FAM168A: variants seen among roughly 807,000 people sequenced by gnomAD.
FAM168A encodes the protein protein FAM168A.
FAM168A carries 3 observed loss-of-function variants against 28.5 expected under a neutral mutation model. The observed-to-expected ratio is 0.11, with a 90% CI of 0.05 to 0.27. The LOEUF is 0.27. FAM168A is among the 10% of genes least tolerant of loss of function. The pLI, the probability that FAM168A is intolerant of heterozygous loss-of-function variation, is 1.00. For missense variants in FAM168A, 222 were observed against 311.5 expected, an observed-to-expected ratio of 0.71 and a Z score of 2.16; for synonymous variants, 122 against 124.2, an observed-to-expected ratio of 0.98 and a Z score of 0.12.
At chr11:73,591,906 A>G (rs988494813) in intron 1 of FAM168A, among the ~76,000 whole-genome samples, 6 of 152,242 alleles carry the variant, frequency 3.9e-5, no homozygotes, top group African/African-American at 7.2e-5. Context: ...TTATATTTGC[A>G]TAAGTATAAA....
rs146961540 is a variant in FAM168A, at chr11:73,495,094, G to C, written c.-18-26602C>G. Among the ~76,000 whole-genome samples the C allele has an allele frequency of 1.9e-3, 291 of 151,138 alleles. 4 individuals are homozygous for C. Among genetic ancestry groups the C allele is most frequent in the African/African-American group, 6.5e-3 (266 of 40,960 alleles). ...CTCAGTAAAGACTCCCCAGGGAATT[G>C]CCTGTCTAATTTGAGGCTTAATGGT... On this transcript the variant is annotated intron_variant, in intron 1 of 7. Coordinates refer to ENST00000356467, the MANE Select transcript of FAM168A (RefSeq NM_015159.3).
intron 1 of FAM168A, among the ~76,000 whole-genome samples, chr11:73,496,752 G>A (rs990618120): frequency 6.6e-6 from 1 of 152,006 alleles, no homozygotes; most frequent in East Asian, 1.9e-4. Context: ...AGTAGAGACG[G>A]GGTTTCACCG....
intron 1 of FAM168A, among the ~76,000 whole-genome samples, chr11:73,578,809 C>T (rs572859451): frequency 6.6e-6 from 1 of 152,328 alleles, no homozygotes; most frequent in South Asian, 2.1e-4. Flanking sequence ...TGAATCCCAT[C>T]CTTGCCTCTT....
At chr11:73,563,681 C>T (rs950053373) in intron 1 of FAM168A, among the ~76,000 whole-genome samples, 3 of 152,202 alleles carry the variant, frequency 2.0e-5, no homozygotes, top group African/African-American at 7.2e-5. Context: ...TAACTCACAA[C>T]AACCCTTTGA....
chr11:73,580,810 T>C (rs1388149806), intron 1 of FAM168A, among the ~76,000 whole-genome samples: 2 of 152,210 alleles, frequency 1.3e-5, no homozygotes, highest in African/African-American at 4.8e-5. Flanking sequence ...CATGGCCACC[T>C]TGGCACAAAA....
At chr11:73,445,947 T>C (rs1867304621) in intron 2 of FAM168A, among the ~76,000 whole-genome samples, 2 of 152,218 alleles carry the variant, frequency 1.3e-5, no homozygotes, top group South Asian at 4.1e-4. Context: ...AATTTGCTCA[T>C]GGTTATGTAA....
chr11:73,488,244 T>G (rs1242687984), intron 1 of FAM168A, among the ~76,000 whole-genome samples: 1 of 151,756 alleles, frequency 6.6e-6, no homozygotes, highest in Non-Finnish European at 1.5e-5. Context: ...AATTCTCCTG[T>G]CTCAGCCTCC....
intron 1 of FAM168A, among the ~76,000 whole-genome samples, chr11:73,484,507 G>GAGAGAGAGAT (rs1243168733): frequency 1.3e-5 from 1 of 77,774 alleles, no homozygotes; most frequent in African/African-American, 5.7e-5. Context: ...AGGAGAGAGA[G>GAGAGAGAGAT]ATATATATAG....
Position 73,400,664 on chromosome 11 carries a change from A to G in FAM168A, c.*6099T>C, listed in dbSNP as rs1866388382. On this transcript the variant is annotated 3_prime_UTR_variant, in exon 8 of 8. Transcript: ENST00000356467. The stretch of plus-strand genomic sequence containing the variant: ...TGTCAGATCAGCTGTAAGATGTACC[A>G]TAGGTTTTTCTTGACTACTGAGAAC... 1 of 152,208 alleles carries G rather than the reference A, an allele frequency of 6.6e-6. No individual in the cohort carries two copies. Among genetic ancestry groups the G allele is most frequent in the Non-Finnish European group, 1.5e-5 (1 of 68,046 alleles). The allele number at this position is 152,208 out of a possible 1,614,324, so 9.4% of individuals were successfully genotyped here.
intron 3 of FAM168A, among the ~76,000 whole-genome samples, chr11:73,427,227 G>A (rs1306749088): frequency 1.3e-5 from 2 of 151,830 alleles, no homozygotes; most frequent in Non-Finnish European, 2.9e-5. Flanking sequence ...TCCTGACCTC[G>A]TGATCCACCC....
chr11:73,507,684 A>G (rs1187781833), intron 1 of FAM168A, among the ~76,000 whole-genome samples: 1 of 152,240 alleles, frequency 6.6e-6, no homozygotes, highest in Non-Finnish European at 1.5e-5. Flanking sequence ...TATTATTGGT[A>G]GTTTACTCAT....
intron 1 of FAM168A, chr11:73,580,123 G>A: frequency 2.9e-6 from 1 of 349,218 alleles, no homozygotes; most frequent in Non-Finnish European, 5.6e-6. Flanking sequence ...AAATATAATT[G>A]TCAATGAATA....
chr11:73,468,594 C>T lies in FAM168A; in HGVS notation c.-18-102G>A, dbSNP rs556531314. 4.0e-5 allele frequency: 40 copies of T among 990,270 alleles called. No individual in the cohort carries two copies. The African/African-American group carries it at 5.5e-4, about 14-fold the overall frequency. 61.3% of individuals were successfully genotyped at this position (990,270 alleles called of 1,614,324 possible). ...TCAGTTTTCCCTGAAAGGAAAGCAT[C>T]AGGGTGTAGTGGAAAGAAGACTAAA... On this transcript the variant is annotated intron_variant, in intron 1 of 7. Coordinates refer to ENST00000356467, the MANE Select transcript of FAM168A (RefSeq NM_015159.3).
Position 73,424,643 on chromosome 11 carries a change from T to G in FAM168A, c.152-4644A>C, listed in dbSNP as rs370285588. Reference sequence around the variant, plus strand: ...AAAATCTGATCCTGGGGCAGACTAGTTTTTTGGGTTCTAATAGGCATAATC... The same window carrying G: ...AAAATCTGATCCTGGGGCAGACTAGGTTTTTGGGTTCTAATAGGCATAATC... On this transcript the variant is annotated intron_variant, in intron 3 of 7. Coordinates refer to ENST00000356467, the MANE Select transcript of FAM168A (RefSeq NM_015159.3). Among the ~76,000 whole-genome samples, 197 of 152,220 alleles carry G rather than the reference T, an allele frequency of 1.3e-3. 2 individuals carry two copies. The South Asian group carries it at 0.024, about 19-fold the overall frequency.
chr11:73,546,281 C>T (rs1943751150), intron 1 of FAM168A, among the ~76,000 whole-genome samples: 1 of 152,156 alleles, frequency 6.6e-6, no homozygotes, highest in African/African-American at 2.4e-5. Flanking sequence ...CCCAAGTTCA[C>T]CTATGTGGGG....
intron 1 of FAM168A, among the ~76,000 whole-genome samples, chr11:73,539,046 A>C (rs1218031818): frequency 1.3e-5 from 2 of 152,234 alleles, no homozygotes; most frequent in Non-Finnish European, 2.9e-5. Flanking sequence ...ATGTTAAGTA[A>C]AGAACCTAAG....
intron 2 of FAM168A, among the ~76,000 whole-genome samples, chr11:73,444,127 C>A (rs999763572): frequency 6.6e-6 from 1 of 152,184 alleles, no homozygotes; most frequent in Non-Finnish European, 1.5e-5. Flanking sequence ...AGTCCCTTTA[C>A]CTAATCCTCA....
intron 1 of FAM168A, among the ~76,000 whole-genome samples, chr11:73,471,110 C>T (rs939274451): frequency 7.9e-5 from 12 of 152,172 alleles, no homozygotes; most frequent in Non-Finnish European, 1.6e-4. Flanking sequence ...TAGGGAGCTG[C>T]TCAAGGGTAG....
chr11:73,411,460 G>C lies in FAM168A; in HGVS notation c.354C>G (p.Pro118=). Residue 118 remains proline, a synonymous_variant, in exon 5 of 8, where the codon CCC becomes CCG. Coordinates refer to ENST00000356467, the MANE Select transcript of FAM168A (RefSeq NM_015159.3). ...NTAPPPYSPS[P]NPYQTAMYPI... ...GATACATGGCCGTCTGATAGGGGTT[G>C]GGTGATGGGGAGTAGGGGGGTGGAG... The C allele has an allele frequency of 6.2e-7, 1 of 1,613,658 alleles. No homozygotes were observed.
Sources: allele counts gnomAD v4.1 joint callset (sites outside exome capture counted in the v4.1 genomes callset), GRCh38; gene constraint gnomAD v4.1.1; transcripts MANE v1.5; gene names NCBI Gene and HGNC (gene_info 2026-07-23, HGNC 2026-07-21).